Variants in CBLN2 observed in about 807,000 individuals in gnomAD.
CBLN2 encodes cerebellin-2.
CBLN2 carries 7 observed loss-of-function variants against 15.0 expected under a neutral mutation model. The ratio of observed to expected loss-of-function variants is 0.47; its 90% confidence interval spans 0.27 to 0.88. The LOEUF (loss-of-function observed/expected upper bound fraction) is 0.88. Among genes scored for constraint, CBLN2 ranks in the 40% least tolerant of loss-of-function variants. The pLI, the probability that CBLN2 is intolerant of heterozygous loss-of-function variation, is 0.14. For synonymous variants in CBLN2, 149 were observed against 135.2 expected, an observed-to-expected ratio of 1.10 and a Z score of -0.71; for missense variants, 242 against 304.5, an observed-to-expected ratio of 0.79 and a Z score of 1.53.
chr18:72,612,429 G>T (rs982985308), intron 1 of CBLN2, among the ~76,000 whole-genome samples: 1 of 152,070 alleles, frequency 6.6e-6, no homozygotes, highest in African/African-American at 2.4e-5. Flanking sequence ...AAACATAAAA[G>T]TTTACTTCCC....
chr18:72,593,766 A>G (rs1388053908), intron 1 of CBLN2, among the ~76,000 whole-genome samples: 1 of 152,156 alleles, frequency 6.6e-6, no homozygotes, highest in Non-Finnish European at 1.5e-5. Context: ...AAATGATGAT[A>G]TGGTTTTTGT....
chr18:72,558,205 C>CT (rs2069238711), intron 1 of CBLN2, among the ~76,000 whole-genome samples: 1 of 152,138 alleles, frequency 6.6e-6, no homozygotes, highest in South Asian at 2.1e-4. Context: ...TCTGGAGGGG[C>CT]TAGAGACTAA....
chr18:72,541,622 A>C (rs1427230486), intron 3 of CBLN2, among the ~76,000 whole-genome samples, 182 bp downstream of exon 3: 2 of 152,224 alleles, frequency 1.3e-5, no homozygotes, highest in African/African-American at 4.8e-5. Flanking sequence ...AAAAGCCAAA[A>C]TGTGGAAAAG....
In CBLN2 at chr18:72,625,806, C is replaced by CTA. The variant is rs1215798348; in HGVS notation, c.15+12518_15+12519insTA. On this transcript the variant is annotated intron_variant, in intron 1 of 2. Transcript: ENST00000581073. ...TATATGACTCTCTCTCTCTCTCTCT[C>CTA]TCTCTCTCTCTCTATATATATATAT... Among the ~76,000 whole-genome samples the CTA allele has an allele frequency of 3.3e-3, 195 of 59,710 alleles. 1 individual carries two copies. Among genetic ancestry groups the CTA allele is most frequent in the East Asian group, 0.013 (15 of 1,190 alleles). The allele number at this position is 59,710 out of a possible 152,430, so 39.2% of individuals were successfully genotyped here.
intron 1 of CBLN2, among the ~76,000 whole-genome samples, chr18:72,588,679 A>AGC (rs2144927310): frequency 6.6e-6 from 1 of 152,330 alleles, no homozygotes; most frequent in African/African-American, 2.4e-5. Context: ...GGGAAAGGAA[A>AGC]GCTCCTCTTG....
At chr18:72,555,129 T>C (rs2069216756) in intron 1 of CBLN2, among the ~76,000 whole-genome samples, 2 of 149,388 alleles carry the variant, frequency 1.3e-5, no homozygotes, top group Non-Finnish European at 3.0e-5. Context: ...AACGAGATTC[T>C]GTCTTTAAAA....
intron 1 of CBLN2, among the ~76,000 whole-genome samples, chr18:72,600,815 G>T (rs2069543030): frequency 6.6e-6 from 1 of 152,178 alleles, no homozygotes; most frequent in African/African-American, 2.4e-5. Flanking sequence ...TGGGAACATT[G>T]ATTGGTTGGG....
At chr18:72,538,537 C>T (rs2069085515) in intron 4 of CBLN2, 116 bp downstream of exon 4, 1 of 1,484,060 alleles carries the variant, frequency 6.7e-7, no homozygotes, top group Non-Finnish European at 9.3e-7. Context: ...GCCACATCAC[C>T]CCCTGGACAG....
At chr18:72,603,142 C>T (rs750512671) in intron 1 of CBLN2, among the ~76,000 whole-genome samples, 3 of 152,236 alleles carry the variant, frequency 2.0e-5, no homozygotes, top group Admixed American at 6.5e-5. Context: ...CATTTCTTTC[C>T]TCTGTCCTGT....
At chr18:72,556,315 A>C (rs1431776116) in intron 1 of CBLN2, among the ~76,000 whole-genome samples, 1 of 152,230 alleles carries the variant, frequency 6.6e-6, no homozygotes, top group Non-Finnish European at 1.5e-5. Flanking sequence ...TAAATAAATA[A>C]GAATGTCAGG....
intron 1 of CBLN2, among the ~76,000 whole-genome samples, chr18:72,559,423 G>T (rs1189492491): frequency 6.6e-6 from 1 of 152,222 alleles, no homozygotes; most frequent in Non-Finnish European, 1.5e-5. Context: ...GCCAGGCTCA[G>T]AGCACACATC....
chr18:72,539,526 A>G (rs1411104274), intron 3 of CBLN2: 2 of 152,286 alleles, frequency 1.3e-5, no homozygotes, highest in Non-Finnish European at 2.9e-5. Flanking sequence ...GAATAAATAG[A>G]GAACCGGCAG....
chr18:72,594,847 T>C (rs546309565), intron 1 of CBLN2, among the ~76,000 whole-genome samples: 44 of 152,264 alleles, frequency 2.9e-4, no homozygotes, highest in Non-Finnish European at 5.4e-4. Flanking sequence ...ATTGATCCTC[T>C]GAATTTCTGT....
chr18:72,539,841 C>A (rs1568248461), intron 3 of CBLN2: 1 of 152,176 alleles, frequency 6.6e-6, no homozygotes, highest in East Asian at 1.9e-4. Context: ...CCAACAACAA[C>A]ATCAAAATCC....
At chr18:72,622,254 A>G (rs1002163987) in intron 1 of CBLN2, among the ~76,000 whole-genome samples, 4 of 152,124 alleles carry the variant, frequency 2.6e-5, no homozygotes, top group Admixed American at 6.6e-5. Flanking sequence ...AGTTATTTGC[A>G]TGTCCTTGTC....
At chr18:72,564,883 A>C (rs2069284280) in intron 1 of CBLN2, among the ~76,000 whole-genome samples, 1 of 152,214 alleles carries the variant, frequency 6.6e-6, no homozygotes, top group Non-Finnish European at 1.5e-5. Flanking sequence ...AAAGTCAGAG[A>C]GAGAACTCTA....
At chr18:72,576,121 G>A (rs372092611) in intron 1 of CBLN2, among the ~76,000 whole-genome samples, 182 of 152,136 alleles carry the variant, frequency 1.2e-3, no homozygotes, top group Non-Finnish European at 2.0e-3. Flanking sequence ...CTAAAACTCC[G>A]CAGTTTGCAC....
intron 1 of CBLN2, among the ~76,000 whole-genome samples, chr18:72,624,570 A>G (rs8097268): frequency 0.21 from 31,471 of 152,026 alleles, 5,006 homozygotes; most frequent in African/African-American, 0.45. Flanking sequence ...AACCCAGGAG[A>G]CAGAGTTTGC....
intron 1 of CBLN2, among the ~76,000 whole-genome samples, chr18:72,625,647 T>C (rs1599028985): frequency 6.9e-6 from 1 of 145,310 alleles, no homozygotes; most frequent in East Asian, 2.0e-4. Context: ...TATTACTCTA[T>C]TATTATTATT....
Sources: gnomAD v4.1 joint callset for allele counts (sites outside exome capture counted in the v4.1 genomes callset) on GRCh38, gnomAD v4.1.1 for gene constraint, MANE v1.5 for transcripts, NCBI Gene and HGNC (gene_info 2026-07-23, HGNC 2026-07-21) for gene names.